Variants in GABRB1 observed in about 807,000 individuals in gnomAD.
GABRB1 encodes gamma-aminobutyric acid receptor subunit beta-1.
In GABRB1, 17 loss-of-function variants were observed where a neutral mutation model predicts 51.6. The observed-to-expected ratio is 0.33, with a 90% confidence interval of 0.23 to 0.49. The LOEUF is 0.49. GABRB1 is among the 20% of genes least tolerant of loss of function. The pLI, the probability that GABRB1 is intolerant of heterozygous loss-of-function variation, is 0.99. For missense variants in GABRB1, 410 were observed against 600.6 expected (o/e 0.68, Z 3.32); for synonymous variants, 247 against 218.9 (o/e 1.13, Z -1.14).
intron 4 of GABRB1, among the ~76,000 whole-genome samples, chr4:47,290,555 G>A (rs767060070): frequency 6.6e-6 from 1 of 152,176 alleles, no homozygotes; most frequent in Non-Finnish European, 1.5e-5. Context: ...GGGCTCAGAA[G>A]AAGACAGAAA....
intron 3 of GABRB1, among the ~76,000 whole-genome samples, chr4:47,060,780 A>G (rs1726816907): frequency 2.0e-5 from 3 of 152,176 alleles, no homozygotes; most frequent in African/African-American, 7.2e-5. Flanking sequence ...ATGAGTCATG[A>G]AAGCCACACA....
intron 7 of GABRB1, among the ~76,000 whole-genome samples, chr4:47,404,250 G>A (rs1728493845): frequency 6.6e-6 from 1 of 152,004 alleles, no homozygotes; most frequent in African/African-American, 2.4e-5. Context: ...AATAATCTGT[G>A]GTCAAGACAG....
At chr4:47,383,897 A>G (rs1727681117) in intron 5 of GABRB1, among the ~76,000 whole-genome samples, 2 of 152,158 alleles carry the variant, frequency 1.3e-5, no homozygotes, top group Non-Finnish European at 2.9e-5. Flanking sequence ...TGAATTTTAA[A>G]ATAAAACCTT....
intron 5 of GABRB1, among the ~76,000 whole-genome samples, chr4:47,351,938 C>T (rs1381915662): frequency 6.6e-6 from 1 of 152,030 alleles, no homozygotes; most frequent in African/African-American, 2.4e-5. Flanking sequence ...AATGGGATGG[C>T]TGGGTCAAAT....
chr4:47,164,886 G>T (rs1386106206), intron 4 of GABRB1, among the ~76,000 whole-genome samples: 1 of 152,020 alleles, frequency 6.6e-6, no homozygotes, highest in East Asian at 1.9e-4. Context: ...TTCGGCCCTT[G>T]GGAGAGACTT....
At chr4:47,350,942 C>T (rs571914067) in intron 5 of GABRB1, among the ~76,000 whole-genome samples, 2 of 152,184 alleles carry the variant, frequency 1.3e-5, no homozygotes, top group Non-Finnish European at 2.9e-5. Flanking sequence ...AGATAATTTC[C>T]TCAATAATGG....
At chr4:47,170,316 C>T (rs2109753173) in intron 4 of GABRB1, among the ~76,000 whole-genome samples, 1 of 151,778 alleles carries the variant, frequency 6.6e-6, no homozygotes, top group East Asian at 1.9e-4. Flanking sequence ...TCTCATCTTG[C>T]CTTAGTCTTC....
rs140074475 is a variant in GABRB1 at position 47,166,159 on chromosome 4, G to A, written c.461+4690G>A. On this transcript the variant is annotated intron_variant, in intron 4 of 8. Transcript: ENST00000295454. ...TGTAAACATATCTGAGGCATTTCAA[G>A]CTTAAGTATGTTTTAAATATTTTAT... is the stretch of plus-strand genomic sequence containing the variant. 4.6e-4 allele frequency among the ~76,000 whole-genome samples: 70 copies of A among 152,202 alleles called. 1 individual carries two copies. The highest frequency in any genetic ancestry group is 1.7e-3 in the African/African-American group (69 of 41,548).
chr4:47,327,649 C>A (rs1052120918), intron 5 of GABRB1, among the ~76,000 whole-genome samples: 3 of 152,044 alleles, frequency 2.0e-5, no homozygotes, highest in Admixed American at 1.3e-4. Context: ...TAGTCCTTGT[C>A]GTATGTATTT....
chr4:47,219,926 T>C (rs901102088), intron 4 of GABRB1, among the ~76,000 whole-genome samples: 1 of 151,880 alleles, frequency 6.6e-6, no homozygotes, highest in Admixed American at 6.6e-5. Flanking sequence ...TTCCTAAACC[T>C]AGATCTCACA....
chr4:47,103,137 G>C (rs1282057153), intron 3 of GABRB1, among the ~76,000 whole-genome samples: 1 of 152,024 alleles, frequency 6.6e-6, no homozygotes, highest in Non-Finnish European at 1.5e-5. Flanking sequence ...TGAGGAATCT[G>C]TGGGATAATC....
chr4:47,358,659 T>TTTAAC (rs1726679027), intron 5 of GABRB1, among the ~76,000 whole-genome samples: 1 of 152,090 alleles, frequency 6.6e-6, no homozygotes, highest in South Asian at 2.1e-4. Flanking sequence ...GTGACCTCAT[T>TTTAAC]TTAACTTAAT....
At chr4:47,160,467 G>A (rs982059691) in intron 3 of GABRB1, among the ~76,000 whole-genome samples, 15 of 152,094 alleles carry the variant, frequency 9.9e-5, no homozygotes, top group African/African-American at 1.2e-4. Flanking sequence ...TGTGTTAAAC[G>A]AGCAGTGTTC....
In GABRB1 at chr4:47,217,103, C is replaced by T. The variant is rs59570482; in HGVS notation, c.461+55634C>T. Among the ~76,000 whole-genome samples, 1,148 of 151,880 alleles carry T rather than the reference C, an allele frequency of 7.6e-3. 15 individuals are homozygous for T. The highest frequency in any genetic ancestry group is 0.026 in the African/African-American group (1,077 of 41,486). ...TAAATAGGCAAGACATAGTACAATT[C>T]ATATAAACTTTAAAACATTGGATAA... is the stretch of plus-strand genomic sequence containing the variant. On this transcript the variant is annotated intron_variant, in intron 4 of 8. Transcript: ENST00000295454.
At chr4:47,027,167 C>T (rs2109459009), upstream of GABRB1, among the ~76,000 whole-genome samples, 1 of 151,460 alleles carries the variant, frequency 6.6e-6, no homozygotes, top group East Asian at 1.9e-4. Context: ...ATAGAGCGTA[C>T]ATTTTGAAAC....
chr4:47,281,413 G>A (rs1723289696), intron 4 of GABRB1, among the ~76,000 whole-genome samples: 2 of 152,190 alleles, frequency 1.3e-5, no homozygotes, highest in Admixed American at 1.3e-4. Flanking sequence ...TGGCAAGGAT[G>A]TGGAGAAAAG....
chr4:47,117,582 G>T (rs1323939232), intron 3 of GABRB1, among the ~76,000 whole-genome samples: 2 of 152,084 alleles, frequency 1.3e-5, no homozygotes, highest in East Asian at 3.9e-4. Context: ...CAATATATTT[G>T]GTTCTACCAC....
At position 47,425,853 on chromosome 4, in the gene GABRB1, G is replaced by A. The variant is rs1292986227; in HGVS notation, c.1260G>A (p.Arg420=). The stretch of plus-strand genomic sequence containing the variant: ...AGGCCTACGGGCGCGCCCTGGACCG[G>A]CACGGGGTACCCAGCAAGGGGCGCA... ...SREAYGRALD[R]HGVPSKGRIR... The change falls in exon 9 of 9, where the codon CGG becomes CGA. Residue 420 remains arginine (R), a synonymous_variant. Coordinates refer to ENST00000295454, the MANE Select transcript of GABRB1 (RefSeq NM_000812.4). 4 of 1,613,958 alleles carry A rather than the reference G, an allele frequency of 2.5e-6. No individual in the cohort carries two copies. The Admixed American group carries it at 5.0e-5, about 20-fold the overall frequency.
intron 3 of GABRB1, among the ~76,000 whole-genome samples, chr4:47,141,232 ACTT>A (rs1716919577): frequency 6.6e-6 from 1 of 151,984 alleles, no homozygotes; most frequent in Non-Finnish European, 1.5e-5. Flanking sequence ...ATCCACCAGA[ACTT>A]CTCCATTTCT....
Sources: gnomAD v4.1 joint callset for allele counts (sites outside exome capture counted in the v4.1 genomes callset) on GRCh38, gnomAD v4.1.1 for gene constraint, MANE v1.5 for transcripts, NCBI Gene and HGNC (gene_info 2026-07-23, HGNC 2026-07-21) for gene names.